Variants in ATP9B observed in about 807,000 individuals in gnomAD.
ATP9B encodes probable phospholipid-transporting ATPase IIB.
ATP9B carries 110 observed loss-of-function variants against 146.1 expected under a neutral mutation model. The observed-to-expected ratio is 0.75, with a 90% CI of 0.65 to 0.88. ATP9B has a LOEUF of 0.88. Ranked by LOEUF, ATP9B falls within the 40% of genes least tolerant of loss-of-function variation. The probability of loss-of-function intolerance (pLI) is 0.00; values close to 1 mark genes in which losing one functional copy is unlikely to be tolerated. For missense variants in ATP9B, 1,499 were observed against 1,496.4 expected, an observed-to-expected ratio of 1.00 and a Z score of -0.03; for synonymous variants, 604 against 569.7, an observed-to-expected ratio of 1.06 and a Z score of -0.86.
At chr18:79,151,150 A>G (rs1404719092) in intron 6 of ATP9B, among the ~76,000 whole-genome samples, 1 of 152,244 alleles carries the variant, frequency 6.6e-6, no homozygotes, top group Non-Finnish European at 1.5e-5. Flanking sequence ...ATTTTGAAAA[A>G]GATGGACAAA....
intron 12 of ATP9B, 94 bp downstream of exon 12, chr18:79,253,635 A>G (rs2096051846): frequency 1.5e-6 from 2 of 1,324,120 alleles, no homozygotes; most frequent in African/African-American, 3.0e-5. Flanking sequence ...AATTACCCAA[A>G]CAAAGCTAGA....
intron 2 of ATP9B, among the ~76,000 whole-genome samples, chr18:79,107,600 C>T (rs557564476): frequency 6.6e-6 from 1 of 152,274 alleles, no homozygotes; most frequent in Admixed American, 6.5e-5. Flanking sequence ...TGAACAGAGA[C>T]TCAGACCAAG....
chr18:79,282,972 C>G (rs990225618), intron 13 of ATP9B, among the ~76,000 whole-genome samples: 3 of 152,202 alleles, frequency 2.0e-5, no homozygotes, highest in Non-Finnish European at 4.4e-5. Flanking sequence ...CAGAGAAATA[C>G]AAATCACTCT....
chr18:79,230,223 G>A lies in ATP9B; in HGVS notation c.1107+16185G>A, dbSNP rs115190873. Among the ~76,000 whole-genome samples, 1,149 of 152,180 alleles carry A rather than the reference G, an allele frequency of 7.6e-3. 14 individuals carry two copies. Among genetic ancestry groups the A allele is most frequent in the African/African-American group, 0.018 (738 of 41,522 alleles). On this transcript the variant is annotated intron_variant, in intron 11 of 29. Transcript: ENST00000426216. ...GCTGGAAGTCCTAGCCACAGCAATC[G>A]GACAAGAGAAAGAAATAAAGCACAT...
chr18:79,157,747 C>G (rs889129566), intron 7 of ATP9B, among the ~76,000 whole-genome samples: 4 of 152,186 alleles, frequency 2.6e-5, no homozygotes, highest in Admixed American at 1.3e-4. Context: ...TCCACTTTAT[C>G]TAGGTTATCT....
At chr18:79,355,991 AAG>A (rs2096950264) in intron 25 of ATP9B, among the ~76,000 whole-genome samples, 1 of 152,168 alleles carries the variant, frequency 6.6e-6, no homozygotes, top group African/African-American at 2.4e-5. Context: ...CCGGAAAGGA[AAG>A]GGGGTGTTGG....
intron 13 of ATP9B, chr18:79,299,809 A>G (rs2096577840): frequency 6.6e-6 from 1 of 152,178 alleles, no homozygotes; most frequent in African/African-American, 2.4e-5. Context: ...CATTTTCATG[A>G]GTTTTTGCCA....
At chr18:79,200,779 A>AGGCGGAGGTGGGGACTGTCGGGGTCAG (rs2095475928) in intron 9 of ATP9B, among the ~76,000 whole-genome samples, 72 of 28,500 alleles carry the variant, frequency 2.5e-3, no homozygotes, top group East Asian at 4.0e-3. Context: ...GTCAGAGCAG[A>AGGCGGAGGTGGGGACTGTCGGGGTCAG]AGTAGTGGTG....
intron 25 of ATP9B, chr18:79,354,437 T>C (rs2096938554): frequency 6.6e-6 from 1 of 151,844 alleles, no homozygotes. Flanking sequence ...GGCATGGTGG[T>C]ACACACCCGC....
intron 19 of ATP9B, chr18:79,340,603 A>G (rs1247293299): frequency 6.6e-6 from 1 of 152,240 alleles, no homozygotes; most frequent in East Asian, 1.9e-4. Context: ...ATGATACATA[A>G]GAAATCTGAG....
intron 9 of ATP9B, among the ~76,000 whole-genome samples, chr18:79,201,188 A>C (rs536026632): frequency 6.6e-6 from 1 of 152,214 alleles, no homozygotes; most frequent in African/African-American, 2.4e-5. Context: ...GTTTTCTAAC[A>C]GTTTTTTTCT....
rs1365207287 is a variant in ATP9B at position 79,337,370 on chromosome 18, T to A, written c.2204T>A (p.Leu735Gln). 2 of 1,614,118 alleles carry A rather than the reference T, an allele frequency of 1.2e-6. No homozygotes were observed. Among genetic ancestry groups the A allele is most frequent in the Admixed American group, 1.7e-5 (1 of 60,026 alleles). Residue 735 changes from leucine (L) to glutamine (Q), a missense_variant, in exon 19 of 30, where the codon CTG (leucine) becomes CAG (glutamine). Transcript: ENST00000426216. ...VESLEREMEL[L>Q]CLTGVEDQLQ... ...AGCCTGGAGAGGGAGATGGAACTGCTGTGCCTCACCGGCGTGGAGGACCAG... is the reference window on the plus strand; with the variant it reads ...AGCCTGGAGAGGGAGATGGAACTGCAGTGCCTCACCGGCGTGGAGGACCAG...
chr18:79,361,788 C>T lies in ATP9B; in HGVS notation c.3012+2326C>T, dbSNP rs188777895. On this transcript the variant is annotated intron_variant, in intron 26 of 29. Transcript: ENST00000426216. ...GCACTCTGCGTTGTTGTCTGATGAT[C>T]GGGGCAGCTGGAGACTGGATGTGCC... 2.2e-3 allele frequency: 2,159 copies of T among 985,440 alleles called. 3 individuals are homozygous for T. The highest frequency in any genetic ancestry group is 2.3e-3 in the Non-Finnish European group (1,943 of 829,930). The allele number at this position is 985,440 out of a possible 1,614,324, so 61.0% of individuals were successfully genotyped here.
intron 13 of ATP9B, among the ~76,000 whole-genome samples, chr18:79,284,065 T>G (rs180679653): frequency 1.8e-4 from 28 of 152,330 alleles, no homozygotes; most frequent in African/African-American, 6.3e-4. Context: ...AATGCCATGT[T>G]GTTCAGAATT....
chr18:79,212,110 A>G (rs2095589600), intron 10 of ATP9B, among the ~76,000 whole-genome samples: 1 of 152,180 alleles, frequency 6.6e-6, no homozygotes, highest in Non-Finnish European at 1.5e-5. Context: ...AGCCTATTGT[A>G]CTTCATAAGT....
At chr18:79,074,127 G>C (rs1037089290) in intron 1 of ATP9B, among the ~76,000 whole-genome samples, 2 of 152,184 alleles carry the variant, frequency 1.3e-5, no homozygotes, top group Admixed American at 1.3e-4. Flanking sequence ...CCTTTGTGCT[G>C]TGATCTTTGG....
At chr18:79,232,021 G>A (rs1055202050) in intron 11 of ATP9B, among the ~76,000 whole-genome samples, 2 of 152,004 alleles carry the variant, frequency 1.3e-5, no homozygotes, top group African/African-American at 2.4e-5. Flanking sequence ...GAAAGGGTGG[G>A]AGGTGGGCGA....
intron 6 of ATP9B, among the ~76,000 whole-genome samples, chr18:79,144,462 A>G (rs1210265216): frequency 6.6e-6 from 1 of 152,164 alleles, no homozygotes; most frequent in Middle Eastern, 3.2e-3. Flanking sequence ...TTAGATTCTC[A>G]TGAGGAGTGT....
intron 2 of ATP9B, among the ~76,000 whole-genome samples, chr18:79,107,893 G>A (rs1028942530): frequency 1.3e-5 from 2 of 152,186 alleles, no homozygotes; most frequent in African/African-American, 4.8e-5. Flanking sequence ...TAGTGGTTTA[G>A]TCTTAGAGAA....
Sources: gnomAD v4.1 joint callset for allele counts (sites outside exome capture counted in the v4.1 genomes callset) on GRCh38, gnomAD v4.1.1 for gene constraint, MANE v1.5 for transcripts, NCBI Gene and HGNC (gene_info 2026-07-23, HGNC 2026-07-21) for gene names.